The following ZC3H12B variants were observed in gnomAD, a reference collection of about 807,000 sequenced individuals.
ZC3H12B encodes the protein zinc finger CCCH-type containing 12B.
ZC3H12B carries 7 observed loss-of-function variants against 43.9 expected under a neutral mutation model. The ratio of observed to expected loss-of-function variants is 0.16; its 90% CI spans 0.09 to 0.30. The LOEUF (loss-of-function observed/expected upper bound fraction) is 0.30. Among genes scored for constraint, ZC3H12B ranks in the 10% least tolerant of loss-of-function variants. The pLI, the probability that ZC3H12B is intolerant of heterozygous loss-of-function variation, is 1.00. For missense variants in ZC3H12B, 475 were observed against 670.2 expected (o/e 0.71, Z 3.22); for synonymous variants, 222 against 241.7 (o/e 0.92, Z 0.76).
the ZC3H12B span, among the ~76,000 whole-genome samples, chrX:65,252,467 C>A: frequency 8.9e-6 from 1 of 111,937 alleles, no homozygotes; most frequent in South Asian, 3.7e-4. Flanking sequence ...AAAATTAATA[C>A]ACACAAAATC....
intron 3 of ZC3H12B, among the ~76,000 whole-genome samples, chrX:65,452,711 G>A (rs1178542121): frequency 9.0e-6 from 1 of 110,693 alleles, no homozygotes; most frequent in African/African-American, 3.3e-5. Flanking sequence ...CGTAGTGGTA[G>A]GTGCCTGTAA....
At chrX:65,194,745 C>G in the ZC3H12B span, among the ~76,000 whole-genome samples, 3 of 112,088 alleles carry the variant, frequency 2.7e-5, no homozygotes, top group Admixed American at 2.8e-4. Flanking sequence ...TCTGAATGAT[C>G]TGTCCAGTGC....
the ZC3H12B span, among the ~76,000 whole-genome samples, chrX:65,073,990 C>T: frequency 8.9e-6 from 1 of 112,100 alleles, no homozygotes; most frequent in Admixed American, 9.4e-5. Context: ...AGCTGGTTCA[C>T]CTGGATGCAT....
the ZC3H12B span, among the ~76,000 whole-genome samples, chrX:65,154,571 T>C: frequency 9.0e-6 from 1 of 111,105 alleles, no homozygotes; most frequent in East Asian, 2.8e-4. Context: ...GTGAACACTT[T>C]TAAGATTTCA....
At chrX:65,189,563 T>C in the ZC3H12B span, among the ~76,000 whole-genome samples, 90 of 107,986 alleles carry the variant, frequency 8.3e-4, no homozygotes, top group Non-Finnish European at 1.2e-3. Context: ...ATGAGCATTT[T>C]TTCATGTGTT....
At chrX:65,380,277 G>C (rs1248486250) in intron 2 of ZC3H12B, among the ~76,000 whole-genome samples, 1 of 112,186 alleles carries the variant, frequency 8.9e-6, no homozygotes, top group African/African-American at 3.2e-5. Context: ...AACTCTATAA[G>C]CCAGAAGAGA....
At chrX:65,235,063 A>G in the ZC3H12B span, among the ~76,000 whole-genome samples, 1 of 111,549 alleles carries the variant, frequency 9.0e-6, no homozygotes, top group African/African-American at 3.3e-5. Flanking sequence ...TTTGATGTAT[A>G]TGTATTTCAT....
the ZC3H12B span, among the ~76,000 whole-genome samples, chrX:65,317,787 AATATACACACACAC>A: frequency 9.8e-6 from 1 of 102,063 alleles, no homozygotes; most frequent in Admixed American, 1.1e-4. Flanking sequence ...TATATATATA[AATATACACACACAC>A]ATATACACAC....
At chrX:65,303,081 T>C in the ZC3H12B span, among the ~76,000 whole-genome samples, 1 of 111,625 alleles carries the variant, frequency 9.0e-6, no homozygotes, top group Admixed American at 9.5e-5. Flanking sequence ...AAAATCTAAG[T>C]TAATTTGAGT....
At chrX:65,385,711 C>T (rs983758260) in intron 2 of ZC3H12B, among the ~76,000 whole-genome samples, 3 of 111,648 alleles carry the variant, frequency 2.7e-5, no homozygotes, top group East Asian at 5.5e-4. Flanking sequence ...GAGGGAATCC[C>T]TGTCTTGTGC....
At chrX:65,308,004 C>A in the ZC3H12B span, among the ~76,000 whole-genome samples, 1 of 111,129 alleles carries the variant, frequency 9.0e-6, no homozygotes, top group Non-Finnish European at 1.9e-5. Context: ...TCTTCAAAAA[C>A]AAATGTGAAG....
chrX:65,252,546 G>T, the ZC3H12B span, among the ~76,000 whole-genome samples: 2 of 111,650 alleles, frequency 1.8e-5, no homozygotes, highest in Middle Eastern at 4.6e-3. Context: ...AAAACTTAAG[G>T]GAATTTCCAA....
At chrX:65,054,581 G>A in the ZC3H12B span, among the ~76,000 whole-genome samples, 2 of 111,570 alleles carry the variant, frequency 1.8e-5, no homozygotes, top group African/African-American at 6.5e-5. Flanking sequence ...CTCTTTTTTG[G>A]TTCTATATGA....
the ZC3H12B span, among the ~76,000 whole-genome samples, chrX:65,115,188 T>C: frequency 9.2e-6 from 1 of 108,206 alleles, no homozygotes; most frequent in African/African-American, 3.4e-5. Flanking sequence ...TGTGTAGACT[T>C]TTATCCCTCG....
At chrX:65,127,251 T>G in the ZC3H12B span, among the ~76,000 whole-genome samples, 1 of 111,519 alleles carries the variant, frequency 9.0e-6, no homozygotes, top group African/African-American at 3.3e-5. Flanking sequence ...AGAACTGAAT[T>G]GTAGTGATTG....
At chrX:65,169,043 C>T in the ZC3H12B span, among the ~76,000 whole-genome samples, 95 of 111,338 alleles carry the variant, frequency 8.5e-4, no homozygotes, top group African/African-American at 3.0e-3. Flanking sequence ...TTCAGTTCTG[C>T]TCTGATCTTA....
At chrX:65,213,404 CG>C in the ZC3H12B span, among the ~76,000 whole-genome samples, 2 of 111,202 alleles carry the variant, frequency 1.8e-5, no homozygotes, top group Admixed American at 9.7e-5. Flanking sequence ...TTTCTCATAA[CG>C]GGATCACTTG....
intron 2 of ZC3H12B, among the ~76,000 whole-genome samples, chrX:65,388,194 C>T (rs1602361414): frequency 8.9e-6 from 1 of 111,876 alleles, no homozygotes; most frequent in East Asian, 2.8e-4. Flanking sequence ...GCCTGCCTTG[C>T]TAGATTGGGG....
At chrX:65,062,766 C>T in the ZC3H12B span, among the ~76,000 whole-genome samples, 2 of 111,929 alleles carry the variant, frequency 1.8e-5, no homozygotes, top group African/African-American at 3.2e-5. Context: ...GCCATTTTCA[C>T]GATATTGATT....
Sources: gnomAD v4.1 joint callset for allele counts (sites outside exome capture counted in the v4.1 genomes callset) on GRCh38, gnomAD v4.1.1 for gene constraint, MANE v1.5 for transcripts, NCBI Gene and HGNC (gene_info 2026-07-23, HGNC 2026-07-21) for gene names.